The following ADGRE3 variants were observed in gnomAD, a reference collection of about 807,000 sequenced individuals.
ADGRE3 encodes EGF-like module receptor 3.
In ADGRE3, 88 loss-of-function variants were observed where a neutral mutation model predicts 80.1. That is an observed-to-expected ratio of 1.10 (90% CI 0.93 to 1.31). ADGRE3 has a LOEUF of 1.31. ADGRE3 is among the 40% of genes most tolerant of loss of function. The pLI is 0.00. For synonymous variants in ADGRE3, 281 were observed against 294.8 expected (o/e 0.95, Z 0.48); for missense variants, 715 against 776.5 (o/e 0.92, Z 0.94).
chr19:14,607,668 C>A, the ADGRE3 span, among the ~76,000 whole-genome samples: 1 of 151,812 alleles, frequency 6.6e-6, no homozygotes, highest in Admixed American at 6.6e-5. Flanking sequence ...CTCTGTCTCC[C>A]AGGTAGAGGT....
chr19:14,609,757 G>GAAA, the ADGRE3 span, among the ~76,000 whole-genome samples: 1 of 152,016 alleles, frequency 6.6e-6, no homozygotes, highest in Non-Finnish European at 1.5e-5. Context: ...AGAATTGCTT[G>GAAA]AACCCAGGAG....
intron 2 of ADGRE3, among the ~76,000 whole-genome samples, chr19:14,666,589 C>A (rs980205764): frequency 1.3e-5 from 2 of 152,150 alleles, no homozygotes; most frequent in Admixed American, 1.3e-4. Context: ...GTTGGCCAAG[C>A]TGGTCTCAAG....
At chr19:14,610,772 G>T in the ADGRE3 span, 1 of 152,558 alleles carries the variant, frequency 6.6e-6, no homozygotes, top group Non-Finnish European at 1.5e-5. Context: ...CCTCCTACTT[G>T]GGCTTCCCAA....
chr19:14,616,751 G>A (rs2075077065), downstream of ADGRE3, among the ~76,000 whole-genome samples: 1 of 151,370 alleles, frequency 6.6e-6, no homozygotes, highest in Non-Finnish European at 1.5e-5. Context: ...GGAGGTTGGA[G>A]CAAGTGAAGA....
At chr19:14,617,315 CCCTTGCTT>C (rs1439231750), downstream of ADGRE3, among the ~76,000 whole-genome samples, 1 of 94,352 alleles carries the variant, frequency 1.1e-5, no homozygotes, top group Admixed American at 1.3e-4. Context: ...CTCTCTCTTC[CCCTTGCTT>C]CCCTCCCTCC....
At chr19:14,673,232 G>A (rs1237613896) in intron 1 of ADGRE3, among the ~76,000 whole-genome samples, 1 of 152,188 alleles carries the variant, frequency 6.6e-6, no homozygotes, top group Non-Finnish European at 1.5e-5. Flanking sequence ...ATAGCTGTGA[G>A]GCTTTGAGAA....
chr19:14,602,041 C>G, the ADGRE3 span, among the ~76,000 whole-genome samples: 3 of 152,134 alleles, frequency 2.0e-5, no homozygotes, highest in Non-Finnish European at 4.4e-5. Flanking sequence ...ATCTGCCTGC[C>G]TCGGCCTCCC....
chr19:14,611,778 G>A, the ADGRE3 span, among the ~76,000 whole-genome samples: 2 of 152,114 alleles, frequency 1.3e-5, no homozygotes, highest in Non-Finnish European at 2.9e-5. Flanking sequence ...GAGGTGGGCT[G>A]ATCACCTGGG....
chr19:14,661,612 G>T (rs947407527), intron 4 of ADGRE3, among the ~76,000 whole-genome samples: 4 of 152,038 alleles, frequency 2.6e-5, no homozygotes, highest in South Asian at 2.1e-4. Context: ...GTAGTTCCCT[G>T]CAGAAAATAA....
chr19:14,644,028 T>C (rs975991524), intron 9 of ADGRE3, 80 bp downstream of exon 9: 1 of 988,702 alleles, frequency 1.0e-6, no homozygotes, highest in African/African-American at 1.7e-5. Flanking sequence ...AGTTTTTTTT[T>C]TTTTTTTTAA....
chr19:14,647,442 C>T (rs568521591), intron 7 of ADGRE3, 77 bp from the exon 8 acceptor site: 153 of 1,165,086 alleles, frequency 1.3e-4, no homozygotes, highest in Admixed American at 1.5e-4. Flanking sequence ...GACGGAGTCT[C>T]GCTCTTGTCG....
intron 15 of ADGRE3, among the ~76,000 whole-genome samples, chr19:14,620,471 T>TATGTATATTCATGTATATATGAATATA (rs1455799921): frequency 8.3e-6 from 1 of 121,160 alleles, no homozygotes; most frequent in Non-Finnish European, 1.7e-5. Flanking sequence ...TATGAATATA[T>TATGTATATTCATGTATATATGAATATA]TATGAGTACA....
chr19:14,606,894 G>A, the ADGRE3 span: 13 of 467,482 alleles, frequency 2.8e-5, no homozygotes, highest in Non-Finnish European at 3.4e-5. Flanking sequence ...GGGAGGTGAC[G>A]TTCCCAAGCC....
the ADGRE3 span, among the ~76,000 whole-genome samples, chr19:14,613,411 G>A: frequency 2.3e-4 from 22 of 94,586 alleles, no homozygotes; most frequent in Non-Finnish European, 3.8e-4. Flanking sequence ...TTTTTTTTTT[G>A]TATAGACAGG....
At chr19:14,603,770 A>G in the ADGRE3 span, among the ~76,000 whole-genome samples, 7 of 152,036 alleles carry the variant, frequency 4.6e-5, no homozygotes, top group Admixed American at 1.3e-4. Flanking sequence ...CCTAACCCAT[A>G]GCTCACTTCT....
the ADGRE3 span, chr19:14,610,989 C>T: frequency 1.4e-5 from 2 of 145,430 alleles, no homozygotes; most frequent in African/African-American, 2.5e-5. Context: ...TTTTACTTTC[C>T]CCATCTTTTC....
At chr19:14,617,377 C>CTTTCTTTTTCTTT (rs1491527496), downstream of ADGRE3, among the ~76,000 whole-genome samples, 4 of 86,364 alleles carry the variant, frequency 4.6e-5, no homozygotes, top group South Asian at 4.2e-4. Context: ...TTTCTTTCTT[C>CTTTCTTTTTCTTT]CTTTCTTTCT....
At chr19:14,628,631 C>G (rs1349105337) in intron 14 of ADGRE3, 2 of 312,950 alleles carry the variant, frequency 6.4e-6, no homozygotes, top group Non-Finnish European at 1.2e-5. Context: ...ACCTGCAGTA[C>G]AGTGAAGTTC....
intron 15 of ADGRE3, among the ~76,000 whole-genome samples, chr19:14,624,443 C>A (rs1360467338): frequency 6.6e-6 from 1 of 152,020 alleles, no homozygotes; most frequent in Non-Finnish European, 1.5e-5. Flanking sequence ...AATTGAATAA[C>A]ATGAGCATAT....
Sources: allele counts gnomAD v4.1 joint callset (sites outside exome capture counted in the v4.1 genomes callset), GRCh38; gene constraint gnomAD v4.1.1; transcripts MANE v1.5; gene names NCBI Gene and HGNC (gene_info 2026-07-23, HGNC 2026-07-21).